The following ZBED1 variants were observed in gnomAD, a reference collection of about 807,000 sequenced individuals.
ZBED1 encodes zinc finger BED-type containing 1.
A neutral mutation model predicts 49.7 loss-of-function variants in ZBED1; 19 were observed. The ratio of observed to expected loss-of-function variants is 0.38; its 90% CI spans 0.27 to 0.56. The LOEUF is 0.56. ZBED1 is among the 20% of genes least tolerant of loss of function. The pLI is 0.70. For synonymous variants in ZBED1, 439 were observed against 440.3 expected (o/e 1.00, Z 0.04); for missense variants, 806 against 972.6 (o/e 0.83, Z 2.28).
In ZBED1 at chrX:2,488,488, C is replaced by T. The variant is rs1210029636; in HGVS notation, c.*147G>A. ...CCGCCCCCGACCCTCTCTCACTTCT[C>T]AAATCTCTTTCCTTTTTCCACCTTC... is the stretch of plus-strand genomic sequence containing the variant. On this transcript the variant is annotated 3_prime_UTR_variant, in exon 2 of 2. Transcript: ENST00000652001. The T allele has an allele frequency of 3.5e-5, 40 of 1,127,284 alleles. No individual in the cohort carries two copies. The highest frequency in any genetic ancestry group is 4.8e-5 in the Non-Finnish European group (39 of 814,600). 69.8% of individuals were successfully genotyped at this position (1,127,284 alleles called of 1,614,324 possible).
intron 1 of ZBED1, among the ~76,000 whole-genome samples, chrX:2,493,558 A>G (rs1310658471): frequency 2.0e-5 from 3 of 151,900 alleles, no homozygotes; most frequent in African/African-American, 7.3e-5. Flanking sequence ...TTTTATTATT[A>G]TGAAGATTAG....
Position 2,489,346 on chromosome X carries a change from G to C in ZBED1, c.1374C>G (p.Thr458=), listed in dbSNP as rs376768668. Residue 458 remains threonine (T), a synonymous_variant, in exon 2 of 2, where the codon ACC becomes ACG. Transcript: ENST00000652001. The part of the protein sequence containing the change: ...KEVIAKELSK[T]YQETPEIDMF... The stretch of plus-strand genomic sequence containing the variant: ...TGTCGATCTCGGGCGTCTCCTGGTA[G>C]GTCTTGGAAAGCTCCTTGGCGATGA... 6.2e-7 allele frequency: 1 copy of C among 1,613,548 alleles called. No individual in the cohort carries two copies. Among genetic ancestry groups the C allele is most frequent in the Non-Finnish European group, 8.5e-7 (1 of 1,179,740 alleles).
At position 2,489,962 on chromosome X, in the gene ZBED1, T is replaced by C. The variant is rs749634530; in HGVS notation, c.758A>G (p.Glu253Gly). 6.2e-7 allele frequency: 1 copy of C among 1,613,884 alleles called. No homozygotes were observed. Among genetic ancestry groups the C allele is most frequent in the Middle Eastern group, 1.7e-4 (1 of 6,054 alleles). ...TAETITRVLY[E>G]VFIEWGISAK... The stretch of plus-strand genomic sequence containing the variant: ...GCTGATGCCCCACTCGATGAAGACC[T>C]CATAGAGCACTCGCGTGATGGTCTC... Residue 253 changes from glutamate to glycine, a missense_variant, in exon 2 of 2, where the codon GAG becomes GGG. Physicochemically the swap from Glu to Gly is moderately conservative, Grantham distance 98 (BLOSUM62 -2). This residue lies in a region of ZBED1 where 749 missense variants were observed against 861.3 expected (regional missense o/e 0.87). Coordinates refer to ENST00000652001, the MANE Select transcript of ZBED1 (RefSeq NM_001171136.2).
rs1362814356 is a variant in ZBED1 at position 2,489,602 on chromosome X, C to T, written c.1118G>A (p.Gly373Glu). Reference protein sequence around the residue: ...RLKEQQFVIAGVLVEDSNNHH... With the variant: ...RLKEQQFVIAEVLVEDSNNHH... ...GTTGTTGCTGTCCTCCACCAAGACC[C>T]CGGCGATGACGAACTGCTGCTCCTT... Residue 373 changes from glycine to glutamate, a missense_variant, in exon 2 of 2, where the codon GGG becomes GAG. Physicochemically the swap from Gly to Glu is moderately conservative, Grantham distance 98. Around this residue, in one of 2 missense-constraint regions of ZBED1, gnomAD observed 749 missense variants for 861.3 expected, o/e 0.87. Coordinates refer to ENST00000652001, the MANE Select transcript of ZBED1 (RefSeq NM_001171136.2). The T allele has an allele frequency of 6.2e-7, 1 of 1,612,542 alleles. No individual in the cohort carries two copies. The highest frequency in any genetic ancestry group is 8.5e-7 in the Non-Finnish European group (1 of 1,179,852).
At chrX:2,493,147 T>C (rs1464390252) in intron 1 of ZBED1, among the ~76,000 whole-genome samples, 7 of 152,122 alleles carry the variant, frequency 4.6e-5, no homozygotes, top group African/African-American at 1.7e-4. Flanking sequence ...GCTGAGAGAA[T>C]GAATAACATG....
Position 2,500,921 on chromosome X carries a change from G to T in ZBED1, c.-158C>A, listed in dbSNP as rs1209352981. The stretch of plus-strand genomic sequence containing the variant: ...GGCCGCCCGCGCCGCAGACAATGGC[G>T]ACATGGCTGCCCCGGCCGCGCCGCC... On this transcript the variant is annotated 5_prime_UTR_variant, in exon 1 of 2. An upstream open reading frame in the 5' UTR gains an earlier in-frame stop. Coordinates refer to ENST00000652001, the MANE Select transcript of ZBED1 (RefSeq NM_001171136.2). 1.8e-6 allele frequency: 2 copies of T among 1,090,118 alleles called. No individual in the cohort carries two copies. Among genetic ancestry groups the T allele is most frequent in the African/African-American group, 1.7e-5 (1 of 59,024 alleles). 67.5% of individuals were successfully genotyped at this position (1,090,118 alleles called of 1,614,324 possible). A position where few individuals can be genotyped will look rare whatever the true frequency, so the allele number is the denominator to read the frequency against.
chrX:2,491,693 C>T (rs1232609716), intron 1 of ZBED1, among the ~76,000 whole-genome samples: 10 of 152,196 alleles, frequency 6.6e-5, no homozygotes, highest in South Asian at 2.1e-4. Flanking sequence ...CAGGTGCATC[C>T]GTGATCTGTA....
chrX:2,492,196 T>C (rs1327654381), intron 1 of ZBED1, among the ~76,000 whole-genome samples: 1 of 152,208 alleles, frequency 6.6e-6, no homozygotes, highest in Non-Finnish European at 1.5e-5. Flanking sequence ...AAAGGGTCTT[T>C]GCAGATGTAT....
chrX:2,499,444 A>G (rs958188326), intron 1 of ZBED1, among the ~76,000 whole-genome samples: 2 of 151,952 alleles, frequency 1.3e-5, no homozygotes, highest in African/African-American at 4.8e-5. Flanking sequence ...ATTCCAGTTC[A>G]CAAATAATTG....
chrX:2,491,872 G>A (rs186430745), intron 1 of ZBED1, among the ~76,000 whole-genome samples: 11 of 152,328 alleles, frequency 7.2e-5, no homozygotes, highest in Admixed American at 7.2e-4. Flanking sequence ...CCAGTCCCCA[G>A]GGTTCCTGTT....
rs1426756592 is a variant in ZBED1 at position 2,500,834 on chromosome X, C to T, written c.-71G>A. 3.5e-6 allele frequency: 4 copies of T among 1,143,792 alleles called. No individual in the cohort carries two copies. The highest frequency in any genetic ancestry group is 3.2e-6 in the Non-Finnish European group (3 of 929,268). The allele number at this position is 1,143,792 out of a possible 1,614,324, so 70.9% of individuals were successfully genotyped here. A position where few individuals can be genotyped will look rare whatever the true frequency, so the allele number is the denominator to read the frequency against. On this transcript the variant is annotated 5_prime_UTR_variant, in exon 1 of 2. Coordinates refer to ENST00000652001, the MANE Select transcript of ZBED1 (RefSeq NM_001171136.2). Reference sequence around the variant, plus strand: ...CCGCTGACCTGGCTCCAGGAAGCCCCCGCGGCAGCGCCGCAGCAGCTGCGC... The same window carrying T: ...CCGCTGACCTGGCTCCAGGAAGCCCTCGCGGCAGCGCCGCAGCAGCTGCGC...
Position 2,490,672 on chromosome X carries a change from C to A in ZBED1, c.48G>T (p.Val16=). The change falls in exon 2 of 2, where the codon GTG becomes GTT. Residue 16 remains valine (V), a synonymous_variant. Transcript: ENST00000652001. ...LESSQTDLKL[V]AHPRAKSKVW... is the part of the protein sequence containing the mutation. ...CCTTGCTCTTGGCGCGGGGGTGGGC[C>A]ACCAGCTTCAGGTCTGTCTGGGAGC... 1 of 1,613,942 alleles carries A rather than the reference C, an allele frequency of 6.2e-7. No homozygotes were observed. Among genetic ancestry groups the A allele is most frequent in the African/African-American group, 1.3e-5 (1 of 75,022 alleles).
At chrX:2,499,822 A>G (rs1480448522) in intron 1 of ZBED1, among the ~76,000 whole-genome samples, 1 of 152,156 alleles carries the variant, frequency 6.6e-6, no homozygotes, top group Admixed American at 6.5e-5. Context: ...AGGAAGGAAG[A>G]TCGCTTGAGC....
chrX:2,500,651 GC>G (rs1408086925), intron 1 of ZBED1, 165 bp downstream of exon 1: 6 of 100,894 alleles, frequency 5.9e-5, no homozygotes, highest in African/African-American at 2.8e-4. Flanking sequence ...CAGCGCGCAC[GC>G]CGCCCCCCCC....
At position 2,488,347 on chromosome X, in the gene ZBED1, G is replaced by T; in HGVS notation, c.*288C>A. The T allele has an allele frequency of 2.8e-5, 11 of 386,346 alleles. No individual in the cohort carries two copies. The highest frequency in any genetic ancestry group is 3.6e-5 in the Non-Finnish European group (8 of 220,030). The allele number at this position is 386,346 out of a possible 1,614,324, so 23.9% of individuals were successfully genotyped here. On this transcript the variant is annotated 3_prime_UTR_variant, in exon 2 of 2. Coordinates refer to ENST00000652001, the MANE Select transcript of ZBED1 (RefSeq NM_001171136.2). Reference sequence around the variant, plus strand: ...ATGCCATCAGTCCTGGCTAATTTTTGTATTTTTAGTAGAGACGGGGTTTCG... The same window carrying T: ...ATGCCATCAGTCCTGGCTAATTTTTTTATTTTTAGTAGAGACGGGGTTTCG...
Position 2,490,683 on chromosome X carries a change from GGTCT to G in ZBED1, c.33_36del (p.Asp12Ter). On this transcript the variant is annotated frameshift_variant, in exon 2 of 2. Transcript: ENST00000652001. LOFTEE classifies it high-confidence loss of function. Reference sequence around the variant, plus strand: ...GCGCGGGGGTGGGCCACCAGCTTCAGGTCTGTCTGGGAGCTCTCCAGGCTTTTAT... The same window carrying G: ...GCGCGGGGGTGGGCCACCAGCTTCAGGTCTGGGAGCTCTCCAGGCTTTTAT... 6.2e-7 allele frequency: 1 copy of G among 1,613,934 alleles called. No homozygotes were observed. Among genetic ancestry groups the G allele is most frequent in the Non-Finnish European group, 8.5e-7 (1 of 1,179,856 alleles).
At chrX:2,500,745 C>T in intron 1 of ZBED1, 72 bp downstream of exon 1, 2 of 707,950 alleles carry the variant, frequency 2.8e-6, no homozygotes, top group Non-Finnish European at 3.5e-6. Context: ...GGAGCCCCCG[C>T]GCCCCCGCCC....
At chrX:2,496,879 AATAT>A (rs1419647055) in intron 1 of ZBED1, among the ~76,000 whole-genome samples, 1 of 148,840 alleles carries the variant, frequency 6.7e-6, no homozygotes, top group South Asian at 2.1e-4. Context: ...TTATTCTAAA[AATAT>A]ATATATTTAA....
At chrX:2,497,959 C>A (rs2045322920) in intron 1 of ZBED1, among the ~76,000 whole-genome samples, 1 of 152,100 alleles carries the variant, frequency 6.6e-6, no homozygotes. Flanking sequence ...ACTGAATGGG[C>A]CGCATGGATA....
Sources: allele counts gnomAD v4.1 joint callset (sites outside exome capture counted in the v4.1 genomes callset), GRCh38; gene constraint gnomAD v4.1.1; regional missense constraint gnomAD v4.1.1; transcripts MANE v1.5; gene names NCBI Gene and HGNC (gene_info 2026-07-23, HGNC 2026-07-21).